Variants in STN1 observed in about 807,000 individuals in gnomAD.
The protein encoded by STN1 is CST complex subunit STN1.
Under a neutral mutation model 45.5 loss-of-function variants are expected in STN1, and 29 were observed. The observed-to-expected ratio is 0.64, with a 90% CI of 0.47 to 0.87. The LOEUF is 0.87. Ranked by LOEUF, STN1 falls within the 40% of genes least tolerant of loss-of-function variation. STN1 has a pLI of 0.00. For synonymous variants in STN1, 148 were observed against 159.0 expected, an observed-to-expected ratio of 0.93 and a Z score of 0.52; for missense variants, 376 against 441.4, an observed-to-expected ratio of 0.85 and a Z score of 1.33.
chr10:103,883,537 T>C (rs1200646506), intron 9 of STN1, among the ~76,000 whole-genome samples: 1 of 152,150 alleles, frequency 6.6e-6, no homozygotes, highest in Non-Finnish European at 1.5e-5. Context: ...CAAGTCCTTT[T>C]AATTATCAGG....
Position 103,888,997 on chromosome 10 carries a change from T to C in STN1, c.949+75A>G, listed in dbSNP as rs1589496554. ...GGAAAAGTCCCGGGTCTCCTGACTC[T>C]CCATCCAGTGCTCCCCGGGAGACAG... On this transcript the variant is annotated intron_variant, in intron 9 of 9. Transcript: ENST00000224950. The C allele has an allele frequency of 5.7e-6, 6 of 1,046,708 alleles. No individual in the cohort carries two copies. In the East Asian group the frequency reaches 1.4e-4, roughly 25 times the overall value. 64.8% of individuals were successfully genotyped at this position (1,046,708 alleles called of 1,614,324 possible).
chr10:103,891,402 A>C (rs1407151730), intron 8 of STN1, among the ~76,000 whole-genome samples: 1 of 152,208 alleles, frequency 6.6e-6, no homozygotes, highest in African/African-American at 2.4e-5. Flanking sequence ...TTAGAGTAGC[A>C]AGTCTCAATG....
At position 103,909,430 on chromosome 10, in the gene STN1, A is replaced by G. The variant is rs1452045465; in HGVS notation, c.229+1097T>C. On this transcript the variant is annotated intron_variant, in intron 3 of 9. Transcript: ENST00000224950. ...TATGTATATATGTATATATGTATAT[A>G]TATGTATATATATGTATATATGTAT... Among the ~76,000 whole-genome samples the G allele has an allele frequency of 2.3e-3, 116 of 50,824 alleles. 2 individuals carry two copies. Among genetic ancestry groups the G allele is most frequent in the South Asian group, 3.8e-3 (4 of 1,054 alleles). The allele number at this position is 50,824 out of a possible 152,430, so 33.3% of individuals were successfully genotyped here.
chr10:103,910,395 C>T (rs971387939), intron 3 of STN1, 132 bp downstream of exon 3: 1 of 547,034 alleles, frequency 1.8e-6, no homozygotes, highest in African/African-American at 1.9e-5. Context: ...AAGGGGCACC[C>T]CATAGAGAAA....
At chr10:103,905,253 T>C (rs1210609876) in intron 3 of STN1, 97 bp from the exon 4 acceptor site, 1 of 1,063,862 alleles carries the variant, frequency 9.4e-7, no homozygotes, top group Non-Finnish European at 1.5e-6. Context: ...AGATGACCTC[T>C]TTCAATAGCC....
chr10:103,890,038 G>A (rs1276447931), intron 8 of STN1, among the ~76,000 whole-genome samples: 2 of 151,884 alleles, frequency 1.3e-5, no homozygotes, highest in Admixed American at 6.6e-5. Flanking sequence ...CAGATTAAGA[G>A]GGAAGCAGCA....
At chr10:103,917,999 G>C (rs1843346282) in intron 1 of STN1, 101 bp downstream of exon 1, 1 of 172,798 alleles carries the variant, frequency 5.8e-6, no homozygotes, top group Non-Finnish European at 1.3e-5. Flanking sequence ...GCACGTGTTG[G>C]GGCATAGTGG....
chr10:103,914,632 C>T (rs1306852573), intron 2 of STN1, among the ~76,000 whole-genome samples: 1 of 151,388 alleles, frequency 6.6e-6, no homozygotes, highest in South Asian at 2.1e-4. Context: ...GGATTACAGG[C>T]ATGAGCCACT....
chr10:103,905,817 G>A (rs1485409400), intron 3 of STN1, among the ~76,000 whole-genome samples: 1 of 152,102 alleles, frequency 6.6e-6, no homozygotes, highest in East Asian at 1.9e-4. Context: ...TACTAGTCTG[G>A]CTTATGTTAT....
At chr10:103,899,650 G>A (rs1843193906) in intron 5 of STN1, among the ~76,000 whole-genome samples, 1 of 152,024 alleles carries the variant, frequency 6.6e-6, no homozygotes, top group Non-Finnish European at 1.5e-5. Flanking sequence ...CTGTGCCACT[G>A]CATTCCACCC....
Position 103,880,193 on chromosome 10 carries a change from C to T in STN1, c.*2491G>A, listed in dbSNP as rs150821956. Among the ~76,000 whole-genome samples the T allele has an allele frequency of 2.6e-5, 4 of 152,278 alleles. No individual in the cohort carries two copies. The highest frequency in any genetic ancestry group is 2.1e-4 in the South Asian group (1 of 4,824). ...GAAACAGTTTTCAACAGAGAGGAGA[C>T]GTGGGGGTGGTCCCCCTACCCAAAG... On this transcript the variant is annotated 3_prime_UTR_variant, in exon 10 of 10. Coordinates refer to ENST00000224950, the MANE Select transcript of STN1 (RefSeq NM_024928.5).
chr10:103,884,431 C>T (rs912766869), intron 9 of STN1, among the ~76,000 whole-genome samples: 1 of 152,098 alleles, frequency 6.6e-6, no homozygotes, highest in Non-Finnish European at 1.5e-5. Flanking sequence ...ATTTCATATA[C>T]ATCTTATGCA....
rs762750326 is a variant in STN1, at chr10:103,882,811, A to G, written c.980T>C (p.Ile327Thr). The change falls in exon 10 of 10, where the codon ATC becomes ACC. Residue 327 changes from isoleucine to threonine, a missense_variant. Coordinates refer to ENST00000224950, the MANE Select transcript of STN1 (RefSeq NM_024928.5). The stretch of plus-strand genomic sequence containing the variant: ...GATGCTCAGGCGAGCACAGGCCAAG[A>G]TGTGCAGGAAGTGACAGCCCTTCTC... ...HMEKGCHFLH[I>T]LACARLSIRP... The G allele has an allele frequency of 1.1e-5, 18 of 1,613,676 alleles. No homozygotes were observed. The Admixed American group carries it at 3.0e-4, about 27-fold the overall frequency.
chr10:103,898,667 C>A (rs1363274890), intron 6 of STN1, among the ~76,000 whole-genome samples: 2 of 152,180 alleles, frequency 1.3e-5, no homozygotes, highest in Non-Finnish European at 2.9e-5. Context: ...AATTTCCTCA[C>A]GACAACCCTA....
intron 5 of STN1, among the ~76,000 whole-genome samples, chr10:103,899,558 A>G (rs991434747): frequency 1.3e-5 from 2 of 152,102 alleles, no homozygotes; most frequent in Non-Finnish European, 2.9e-5. Flanking sequence ...GTGGTGGCGC[A>G]TGCCTGTAGT....
intron 2 of STN1, among the ~76,000 whole-genome samples, chr10:103,916,378 G>A (rs1243087057): frequency 3.3e-5 from 5 of 152,206 alleles, no homozygotes; most frequent in Non-Finnish European, 5.9e-5. Context: ...CTGGAAAATG[G>A]AAAACTGTGG....
intron 7 of STN1, 128 bp from the exon 8 acceptor site, chr10:103,892,380 C>A (rs1843145354): frequency 2.5e-6 from 2 of 791,980 alleles, no homozygotes; most frequent in Non-Finnish European, 3.8e-6. Context: ...TCAAAAAGAT[C>A]CTGGTATGTA....
rs751065616 is a variant in STN1, at chr10:103,909,354, C to A, written c.229+1173G>T. Among the ~76,000 whole-genome samples, 403 of 61,100 alleles carry A rather than the reference C, an allele frequency of 6.6e-3. 6 individuals are homozygous for A. Among genetic ancestry groups the A allele is most frequent in the Non-Finnish European group, 9.2e-3 (282 of 30,524 alleles). The allele number at this position is 61,100 out of a possible 152,430, so 40.1% of individuals were successfully genotyped here. ...CTGACAGGATGATCCTTTTCAGAAT[C>A]AAAAAAAAAAAATATATATATATAT... On this transcript the variant is annotated intron_variant, in intron 3 of 9. Transcript: ENST00000224950.
At chr10:103,909,460 GTATATATATGTATATATGTATATATA>G (rs1843271556) in intron 3 of STN1, among the ~76,000 whole-genome samples, 2 of 100,362 alleles carry the variant, frequency 2.0e-5, no homozygotes, top group East Asian at 2.2e-4. Context: ...ATGTATATAT[GTATATATATGTATATATGTATATATA>G]TGTGTGTGTG....
Sources: gnomAD v4.1 joint callset for allele counts (sites outside exome capture counted in the v4.1 genomes callset) on GRCh38, gnomAD v4.1.1 for gene constraint, MANE v1.5 for transcripts, NCBI Gene and HGNC (gene_info 2026-07-23, HGNC 2026-07-21) for gene names.